Variants in PACSIN2 observed in about 807,000 individuals in gnomAD.
PACSIN2 encodes the protein protein kinase C and casein kinase substrate in neurons 2.
Under a neutral mutation model 63.8 loss-of-function variants are expected in PACSIN2, and 25 were observed. The ratio of observed to expected loss-of-function variants is 0.39; its 90% CI spans 0.29 to 0.55. PACSIN2 has a LOEUF of 0.55. Among genes scored for constraint, PACSIN2 ranks in the 20% least tolerant of loss-of-function variants. The probability of loss-of-function intolerance (pLI) is 0.62; values close to 1 mark genes in which losing one functional copy is unlikely to be tolerated. For synonymous variants in PACSIN2, 255 were observed against 256.2 expected, an observed-to-expected ratio of 1.00 and a Z score of 0.05; for missense variants, 518 against 646.9, an observed-to-expected ratio of 0.80 and a Z score of 2.16.
chr22:42,874,829 T>C (rs1602161401), intron 10 of PACSIN2, among the ~76,000 whole-genome samples: 1 of 151,084 alleles, frequency 6.6e-6, no homozygotes, highest in African/African-American at 2.4e-5. Flanking sequence ...TCACTATTTC[T>C]GAGTCTTGGC....
chr22:42,980,235 C>G (rs1257255538), intron 1 of PACSIN2, among the ~76,000 whole-genome samples: 1 of 152,042 alleles, frequency 6.6e-6, no homozygotes, highest in African/African-American at 2.4e-5. Context: ...AATTAATGGC[C>G]ACACACAGTA....
chr22:42,976,540 C>T (rs1363356614), intron 1 of PACSIN2, among the ~76,000 whole-genome samples: 1 of 152,234 alleles, frequency 6.6e-6, no homozygotes, highest in Non-Finnish European at 1.5e-5. Context: ...AACAGGCTTG[C>T]TGCTGGGTGT....
intron 1 of PACSIN2, among the ~76,000 whole-genome samples, chr22:42,987,983 A>AC (rs1922757760): frequency 6.6e-6 from 1 of 152,056 alleles, no homozygotes; most frequent in East Asian, 2.0e-4. Flanking sequence ...TCTACTAAAG[A>AC]TACAAAAATT....
rs138288274 is a variant in PACSIN2, at chr22:42,931,816, T to C, written c.-77-19659A>G. 2.1e-3 allele frequency among the ~76,000 whole-genome samples: 317 copies of C among 152,268 alleles called. 1 individual carries two copies. The highest frequency in any genetic ancestry group is 7.1e-3 in the African/African-American group (296 of 41,548). On this transcript the variant is annotated intron_variant, in intron 1 of 10. Transcript: ENST00000263246. ...GGTATATTCACTTACACAATCCCTCTCTTCCAAAACAGCCCAGAAAATGTC... is the reference window on the plus strand; with the variant it reads ...GGTATATTCACTTACACAATCCCTCCCTTCCAAAACAGCCCAGAAAATGTC...
intron 1 of PACSIN2, chr22:43,002,391 T>C (rs1316711857): frequency 6.6e-6 from 1 of 152,164 alleles, no homozygotes; most frequent in Non-Finnish European, 1.5e-5. Context: ...CAAGGATTAA[T>C]CATCAAGTAG....
chr22:42,976,852 T>C (rs1921738468), intron 1 of PACSIN2, among the ~76,000 whole-genome samples: 1 of 152,176 alleles, frequency 6.6e-6, no homozygotes, highest in Admixed American at 6.5e-5. Context: ...GATTAACTAA[T>C]TTGGCTAACG....
At chr22:42,882,907 T>C (rs1270961135) in intron 6 of PACSIN2, among the ~76,000 whole-genome samples, 6 of 152,220 alleles carry the variant, frequency 3.9e-5, no homozygotes, top group Non-Finnish European at 8.8e-5. Context: ...GTACTTTCTC[T>C]GGGCCTCGGT....
chr22:42,971,839 G>GGGGTGGGGGGC (rs1921316459), intron 1 of PACSIN2, among the ~76,000 whole-genome samples: 2 of 31,728 alleles, frequency 6.3e-5, no homozygotes, highest in Non-Finnish European at 1.2e-4. Context: ...CCCCGTCCGG[G>GGGGTGGGGGGC]AGGGAGGTGG....
chr22:42,999,804 C>T (rs1923650279), intron 1 of PACSIN2, among the ~76,000 whole-genome samples: 1 of 152,190 alleles, frequency 6.6e-6, no homozygotes, highest in Admixed American at 6.5e-5. Flanking sequence ...AGAGAGAACC[C>T]TGAGACAGAC....
intron 1 of PACSIN2, among the ~76,000 whole-genome samples, chr22:42,913,123 T>C (rs913618476): frequency 2.0e-5 from 3 of 152,192 alleles, no homozygotes; most frequent in Admixed American, 2.0e-4. Flanking sequence ...CCATTACTTA[T>C]GAGGTGGGCA....
intron 1 of PACSIN2, among the ~76,000 whole-genome samples, chr22:42,942,532 C>G (rs1266277527): frequency 6.6e-6 from 1 of 152,094 alleles, no homozygotes; most frequent in African/African-American, 2.4e-5. Context: ...AAAAGCTTTA[C>G]AGATTTAGCT....
At chr22:42,945,148 T>C (rs1214593256) in intron 1 of PACSIN2, among the ~76,000 whole-genome samples, 1 of 151,092 alleles carries the variant, frequency 6.6e-6, no homozygotes, top group Non-Finnish European at 1.5e-5. Flanking sequence ...TCCCCAGTGC[T>C]TAGCATGAGG....
At chr22:43,013,734 C>T (rs1331327890) in intron 1 of PACSIN2, among the ~76,000 whole-genome samples, 1 of 152,254 alleles carries the variant, frequency 6.6e-6, no homozygotes, top group Non-Finnish European at 1.5e-5. Flanking sequence ...AGCTCACCAT[C>T]TGCAGCTGAG....
intron 2 of PACSIN2, among the ~76,000 whole-genome samples, chr22:42,896,834 T>C (rs1401465870): frequency 1.3e-5 from 2 of 152,276 alleles, no homozygotes; most frequent in Admixed American, 1.3e-4. Context: ...AGTGTAGCAA[T>C]ATTGCATTGT....
intron 1 of PACSIN2, among the ~76,000 whole-genome samples, chr22:42,981,700 T>G (rs1349911911): frequency 8.2e-3 from 405 of 49,632 alleles, no homozygotes; most frequent in Admixed American, 0.012. Flanking sequence ...GGTGAGGGGC[T>G]CCTCTGCCCG....
chr22:42,945,467 A>G (rs1251883176), intron 1 of PACSIN2, among the ~76,000 whole-genome samples: 1 of 152,034 alleles, frequency 6.6e-6, no homozygotes, highest in Non-Finnish European at 1.5e-5. Context: ...ATCTCTGCCT[A>G]CTGGATGCCT....
At chr22:42,907,479 G>C (rs1350388087) in intron 2 of PACSIN2, among the ~76,000 whole-genome samples, 2 of 152,270 alleles carry the variant, frequency 1.3e-5, no homozygotes, top group Non-Finnish European at 2.9e-5. Context: ...GGAGCCATAT[G>C]TGAGCACGGT....
chr22:42,964,157 C>T (rs1920934566), intron 1 of PACSIN2, among the ~76,000 whole-genome samples: 1 of 152,210 alleles, frequency 6.6e-6, no homozygotes, highest in Admixed American at 6.5e-5. Context: ...GTGGCCCATG[C>T]CTGTAATCCC....
Position 43,008,343 on chromosome 22 carries a change from T to G in PACSIN2, c.-78+6678A>C, listed in dbSNP as rs10212047. ...TCGGCTCACTGCAACCTCCGCCTCC[T>G]GGGTTCAAGCCATTCGCCTGCCTCA... is the stretch of plus-strand genomic sequence containing the variant. On this transcript the variant is annotated intron_variant, in intron 1 of 10. Coordinates refer to ENST00000263246, the MANE Select transcript of PACSIN2 (RefSeq NM_001184970.3). Among the ~76,000 whole-genome samples the G allele has an allele frequency of 6.5e-3, 989 of 152,130 alleles. 13 individuals carry two copies. The highest frequency in any genetic ancestry group is 0.023 in the African/African-American group (960 of 41,532).
Sources: gnomAD v4.1 joint callset for allele counts (sites outside exome capture counted in the v4.1 genomes callset) on GRCh38, gnomAD v4.1.1 for gene constraint, MANE v1.5 for transcripts, NCBI Gene and HGNC (gene_info 2026-07-23, HGNC 2026-07-21) for gene names.